RNF128: variants seen among roughly 807,000 people sequenced by gnomAD.
RNF128 encodes E3 ubiquitin-protein ligase RNF128.
A neutral mutation model predicts 26.2 loss-of-function variants in RNF128; 13 were observed. That is an observed-to-expected ratio of 0.50 (90% CI 0.32 to 0.79). The LOEUF is 0.79. Among genes scored for constraint, RNF128 ranks in the 30% least tolerant of loss-of-function variants. RNF128 has a pLI of 0.03. For synonymous variants in RNF128, 149 were observed against 142.5 expected (o/e 1.05, Z -0.32); for missense variants, 315 against 349.7 (o/e 0.90, Z 0.79).
chrX:106,715,452 G>C (rs138757839), intron 1 of RNF128, among the ~76,000 whole-genome samples: 17 of 112,018 alleles, frequency 1.5e-4, no homozygotes, highest in East Asian at 1.1e-3. Flanking sequence ...GGATAATATG[G>C]TTTTACAAAA....
chrX:106,706,511 G>A (rs1305525550), intron 1 of RNF128, among the ~76,000 whole-genome samples: 4 of 111,940 alleles, frequency 3.6e-5, no homozygotes, highest in Non-Finnish European at 7.5e-5. Flanking sequence ...AGCATGCATG[G>A]CTTCTACCAG....
At chrX:106,772,055 A>T (rs1369725259) in intron 1 of RNF128, among the ~76,000 whole-genome samples, 1 of 112,209 alleles carries the variant, frequency 8.9e-6, no homozygotes, top group Admixed American at 9.4e-5. Context: ...GGTCATATAA[A>T]CTAGAGGGAA....
Position 106,796,100 on chromosome X carries a change from G to C in RNF128, c.*387G>C, listed in dbSNP as rs1391239893. ...ATGAAAAATACTACTTCTTTAGCTT[G>C]GGCTACATGTGTCAGGGTTTTTCTC... On this transcript the variant is annotated 3_prime_UTR_variant, in exon 7 of 7. Coordinates refer to ENST00000255499, the MANE Select transcript of RNF128 (RefSeq NM_194463.2). The C allele has an allele frequency of 8.9e-6, 1 of 112,683 alleles. No individual in the cohort carries two copies. Among genetic ancestry groups the C allele is most frequent in the African/African-American group, 3.3e-5 (1 of 30,754 alleles). 9.3% of individuals were successfully genotyped at this position (112,683 alleles called of 1,213,427 possible). A position where few individuals can be genotyped will look rare whatever the true frequency, so the allele number is the denominator to read the frequency against.
intron 1 of RNF128, among the ~76,000 whole-genome samples, chrX:106,709,839 C>A (rs1929097471): frequency 8.9e-6 from 1 of 111,820 alleles, no homozygotes; most frequent in Non-Finnish European, 1.9e-5. Flanking sequence ...AGCCACTGTG[C>A]CCAGCCTGTT....
chrX:106,762,473 C>G (rs751075604), intron 1 of RNF128, among the ~76,000 whole-genome samples: 3 of 110,588 alleles, frequency 2.7e-5, no homozygotes, highest in Non-Finnish European at 5.7e-5. Flanking sequence ...ACTGCCACGC[C>G]TGGCTAATTT....
intron 1 of RNF128, among the ~76,000 whole-genome samples, chrX:106,696,504 C>G (rs1928875502): frequency 9.0e-6 from 1 of 111,515 alleles, no homozygotes; most frequent in African/African-American, 3.3e-5. Context: ...TTGTTGCTGT[C>G]TTTTCACTCG....
chrX:106,695,483 G>A (rs1295571402), intron 1 of RNF128, among the ~76,000 whole-genome samples: 1 of 111,307 alleles, frequency 9.0e-6, no homozygotes, highest in African/African-American at 3.3e-5. Flanking sequence ...TGCTTATTTC[G>A]CTAAGCATCA....
chrX:106,748,310 A>G (rs1929822113), intron 1 of RNF128, among the ~76,000 whole-genome samples: 1 of 112,399 alleles, frequency 8.9e-6, no homozygotes. Context: ...TTCCATTTGT[A>G]TAATATGGTG....
intron 1 of RNF128, among the ~76,000 whole-genome samples, chrX:106,732,691 C>T (rs998265597): frequency 3.2e-4 from 36 of 111,897 alleles, no homozygotes; most frequent in African/African-American, 1.1e-3. Context: ...TTCAAGATTG[C>T]TGGCTAACTT....
At chrX:106,774,795 C>T (rs370856568) in intron 2 of RNF128, among the ~76,000 whole-genome samples, 81 of 111,858 alleles carry the variant, frequency 7.2e-4, no homozygotes, top group African/African-American at 2.5e-3. Context: ...GATGAAAATA[C>T]ATTTTTATAT....
chrX:106,760,607 A>C (rs1342956963), intron 1 of RNF128, among the ~76,000 whole-genome samples: 1 of 111,870 alleles, frequency 8.9e-6, no homozygotes, highest in African/African-American at 3.2e-5. Context: ...TTAGAAATAC[A>C]ATTACCATAT....
intron 2 of RNF128, among the ~76,000 whole-genome samples, chrX:106,779,554 T>C (rs1427685369): frequency 9.0e-6 from 1 of 110,858 alleles, no homozygotes; most frequent in Non-Finnish European, 1.9e-5. Context: ...AGTCAAACGA[T>C]ACAAACTTGC....
At chrX:106,773,950 A>G (rs1461223921) in intron 2 of RNF128, among the ~76,000 whole-genome samples, 2 of 111,023 alleles carry the variant, frequency 1.8e-5, no homozygotes, top group Non-Finnish European at 3.8e-5. Context: ...TCTCTTTGTT[A>G]TAGTTGCTGG....
intron 1 of RNF128, among the ~76,000 whole-genome samples, chrX:106,751,764 C>T (rs899139380): frequency 1.6e-4 from 18 of 110,106 alleles, no homozygotes; most frequent in African/African-American, 6.0e-4. Context: ...CTAGACACAC[C>T]CTGGGCCAGA....
intron 1 of RNF128, among the ~76,000 whole-genome samples, chrX:106,706,574 C>G (rs1264125346): frequency 9.0e-6 from 1 of 111,469 alleles, no homozygotes; most frequent in Non-Finnish European, 1.9e-5. Flanking sequence ...GGGGGATAGA[C>G]CTGGGTTTGA....
intron 1 of RNF128, among the ~76,000 whole-genome samples, chrX:106,706,831 A>G (rs1929050229): frequency 2.7e-5 from 3 of 112,257 alleles, no homozygotes; most frequent in Admixed American, 9.4e-5. Context: ...CACAATGTCT[A>G]TTCTATAGTA....
At chrX:106,772,346 T>C (rs1269184033) in intron 1 of RNF128, among the ~76,000 whole-genome samples, 2 of 111,770 alleles carry the variant, frequency 1.8e-5, no homozygotes, top group East Asian at 5.6e-4. Context: ...AAATTTTATA[T>C]TGCTTTTGAG....
chrX:106,769,250 T>A (rs1038990713), intron 1 of RNF128, among the ~76,000 whole-genome samples: 12 of 111,582 alleles, frequency 1.1e-4, no homozygotes, highest in African/African-American at 3.6e-4. Context: ...CAGCGCTAAG[T>A]TCAGTTCCTG....
upstream of RNF128, among the ~76,000 whole-genome samples, chrX:106,725,588 T>C (rs1212996029): frequency 8.9e-6 from 1 of 112,639 alleles, no homozygotes; most frequent in Non-Finnish European, 1.9e-5. Flanking sequence ...AACTTTAATA[T>C]TATTTTAGAA....
Sources: gnomAD v4.1 joint callset for allele counts (sites outside exome capture counted in the v4.1 genomes callset) on GRCh38, gnomAD v4.1.1 for gene constraint, MANE v1.5 for transcripts, NCBI Gene and HGNC (gene_info 2026-07-23, HGNC 2026-07-21) for gene names.